The following EXOC6B variants were observed in gnomAD, a reference collection of about 807,000 sequenced individuals.
EXOC6B encodes the protein exocyst complex component 6B, also known as SEC15 homolog B.
EXOC6B carries 54 observed loss-of-function variants against 113.5 expected under a neutral mutation model. That is an observed-to-expected ratio of 0.48 (90% CI 0.38 to 0.60). EXOC6B has a LOEUF of 0.60. EXOC6B is among the 20% of genes least tolerant of loss of function. The probability of loss-of-function intolerance (pLI) is 0.00; values close to 1 mark genes in which losing one functional copy is unlikely to be tolerated. For missense variants in EXOC6B, 797 were observed against 977.5 expected (o/e 0.82, Z 2.46); for synonymous variants, 357 against 339.0 (o/e 1.05, Z -0.58).
At chr2:72,609,402 C>A (rs1286884392) in intron 6 of EXOC6B, among the ~76,000 whole-genome samples, 3 of 151,614 alleles carry the variant, frequency 2.0e-5, no homozygotes, top group Non-Finnish European at 4.4e-5. Context: ...CAAAAATGAA[C>A]CAAATAGAAA....
intron 18 of EXOC6B, among the ~76,000 whole-genome samples, chr2:72,447,895 T>C (rs1696684438): frequency 6.6e-6 from 1 of 152,208 alleles, no homozygotes; most frequent in East Asian, 1.9e-4. Flanking sequence ...TAACCATTCA[T>C]TGTCTCTCAC....
intron 8 of EXOC6B, among the ~76,000 whole-genome samples, chr2:72,523,386 AT>A (rs1387947616): frequency 6.6e-6 from 1 of 152,122 alleles, no homozygotes; most frequent in Non-Finnish European, 1.5e-5. Flanking sequence ...TTACATCCTT[AT>A]TTTTGCAGGG....
chr2:72,258,366 T>C (rs1437563192), intron 20 of EXOC6B, among the ~76,000 whole-genome samples: 140 of 145,892 alleles, frequency 9.6e-4, no homozygotes, highest in South Asian at 2.8e-3. Context: ...TTTTTCTTTT[T>C]TTTTTTTTTT....
chr2:72,210,917 G>T (rs1055543308), intron 20 of EXOC6B, among the ~76,000 whole-genome samples: 3 of 152,180 alleles, frequency 2.0e-5, no homozygotes, highest in Non-Finnish European at 2.9e-5. Context: ...GTTTACAAAG[G>T]CATTTCTTCA....
chr2:72,788,079 A>C (rs1298280308), intron 1 of EXOC6B, among the ~76,000 whole-genome samples: 1 of 152,218 alleles, frequency 6.6e-6, no homozygotes, highest in African/African-American at 2.4e-5. Flanking sequence ...AGTAATTTTC[A>C]TATAGCATAA....
intron 2 of EXOC6B, among the ~76,000 whole-genome samples, chr2:72,738,208 T>G (rs936692584): frequency 2.0e-5 from 3 of 152,176 alleles, no homozygotes; most frequent in Non-Finnish European, 4.4e-5. Context: ...ATTTACACTC[T>G]CATGTTCTCA....
intron 6 of EXOC6B, among the ~76,000 whole-genome samples, chr2:72,659,363 T>C (rs1358571536): frequency 6.6e-6 from 1 of 152,126 alleles, no homozygotes; most frequent in Non-Finnish European, 1.5e-5. Context: ...CCCTAATCTC[T>C]TGCTCTATGT....
intron 6 of EXOC6B, among the ~76,000 whole-genome samples, chr2:72,671,855 AGAAG>A (rs771718419): frequency 2.6e-5 from 4 of 151,310 alleles, no homozygotes; most frequent in Non-Finnish European, 4.4e-5. Context: ...GGAGGGAGGA[AGAAG>A]GAAGGAAGAA....
At chr2:72,333,467 G>A (rs556677906) in intron 20 of EXOC6B, among the ~76,000 whole-genome samples, 8 of 152,204 alleles carry the variant, frequency 5.3e-5, no homozygotes, top group Admixed American at 3.3e-4. Context: ...AAGCCAATTG[G>A]GTTAGAAGTT....
chr2:72,823,472 A>C (rs542379640), intron 1 of EXOC6B, among the ~76,000 whole-genome samples: 5,274 of 126,722 alleles, frequency 0.042, 531 homozygotes, highest in African/African-American at 0.14. Context: ...AAAAAAAAAA[A>C]AAAAAACAAA....
Position 72,435,005 on chromosome 2 carries a change from C to A in EXOC6B, c.1980+30155G>T, listed in dbSNP as rs537098541. Among the ~76,000 whole-genome samples, 14 of 152,128 alleles carry A rather than the reference C, an allele frequency of 9.2e-5. 1 individual carries two copies. The South Asian group carries it at 1.5e-3, about 16-fold the overall frequency. On this transcript the variant is annotated intron_variant, in intron 18 of 21. Transcript: ENST00000272427. ...TCTTTTAATTGTGATGTTAGGGTGTCCATTTTAGATCTTTCCTGCTTTTTC... is the reference window on the plus strand; with the variant it reads ...TCTTTTAATTGTGATGTTAGGGTGTACATTTTAGATCTTTCCTGCTTTTTC...
chr2:72,691,996 T>G (rs1677518328), intron 6 of EXOC6B, among the ~76,000 whole-genome samples: 1 of 152,076 alleles, frequency 6.6e-6, no homozygotes, highest in African/African-American at 2.4e-5. Flanking sequence ...TGTTCCCCTC[T>G]TTATTCTCTC....
chr2:72,555,377 G>A (rs1703480679), intron 8 of EXOC6B, among the ~76,000 whole-genome samples: 2 of 152,176 alleles, frequency 1.3e-5, no homozygotes, highest in South Asian at 4.1e-4. Flanking sequence ...CACCAACAGT[G>A]TAAAAGCATT....
intron 6 of EXOC6B, among the ~76,000 whole-genome samples, chr2:72,699,519 C>G (rs983774632): frequency 6.6e-6 from 1 of 151,790 alleles, no homozygotes; most frequent in Admixed American, 6.6e-5. Flanking sequence ...CAATACATGC[C>G]CCATTAGGCC....
At chr2:72,335,548 GCACACACACACACACACACACACACA>G (rs70963124) in intron 19 of EXOC6B, among the ~76,000 whole-genome samples, 4 of 134,914 alleles carry the variant, frequency 3.0e-5, no homozygotes, top group South Asian at 5.3e-4. Context: ...CTGCATTATT[GCACACACACACACACACACACACACA>G]CACACACACA....
intron 6 of EXOC6B, among the ~76,000 whole-genome samples, chr2:72,674,950 T>G (rs1676184300): frequency 6.6e-6 from 1 of 152,258 alleles, no homozygotes; most frequent in African/African-American, 2.4e-5. Context: ...AATACATGTG[T>G]GTAACAATGA....
At chr2:72,498,428 A>T (rs371953379) in intron 13 of EXOC6B, 26 bp downstream of exon 13, 30 of 1,515,768 alleles carry the variant, frequency 2.0e-5, no homozygotes, top group Admixed American at 1.2e-4. Flanking sequence ...GAACACACAC[A>T]CATATGACTA....
At chr2:72,582,574 G>T (rs980174787) in intron 6 of EXOC6B, among the ~76,000 whole-genome samples, 1 of 150,670 alleles carries the variant, frequency 6.6e-6, no homozygotes, top group Non-Finnish European at 1.5e-5. Context: ...CGCTCTTGTT[G>T]CCCAGGCTGG....
intron 20 of EXOC6B, among the ~76,000 whole-genome samples, chr2:72,266,068 G>A (rs1424992616): frequency 6.6e-6 from 1 of 152,182 alleles, no homozygotes; most frequent in African/African-American, 2.4e-5. Flanking sequence ...AGAAGTGTCT[G>A]TTCATATCCT....
Sources: allele counts gnomAD v4.1 joint callset (sites outside exome capture counted in the v4.1 genomes callset), GRCh38; gene constraint gnomAD v4.1.1; transcripts MANE v1.5; gene names NCBI Gene and HGNC (gene_info 2026-07-23, HGNC 2026-07-21).